Variants in ADCY9 observed in about 807,000 individuals in gnomAD.
ADCY9 encodes the protein adenylate cyclase type 9.
Under a neutral mutation model 101.5 loss-of-function variants are expected in ADCY9, and 50 were observed. The observed-to-expected ratio is 0.49, with a 90% CI of 0.39 to 0.62. The LOEUF (loss-of-function observed/expected upper bound fraction) is 0.62, where lower values mean the gene tolerates loss of function less well. Among genes scored for constraint, ADCY9 ranks in the 20% least tolerant of loss-of-function variants. The pLI is 0.00. For missense variants in ADCY9, 1,662 were observed against 1,800.4 expected, an observed-to-expected ratio of 0.92 and a Z score of 1.39; for synonymous variants, 905 against 769.3, an observed-to-expected ratio of 1.18 and a Z score of -2.92.
intron 9 of ADCY9, among the ~76,000 whole-genome samples, chr16:3,976,518 A>G (rs1431469978): frequency 6.6e-6 from 1 of 152,080 alleles, no homozygotes; most frequent in Non-Finnish European, 1.5e-5. Flanking sequence ...CCCATTCCTC[A>G]GCACCTACCA....
chr16:4,047,560 G>C (rs557837538), intron 2 of ADCY9, among the ~76,000 whole-genome samples: 1 of 151,984 alleles, frequency 6.6e-6, no homozygotes, highest in Non-Finnish European at 1.5e-5. Flanking sequence ...TGAGCTGTTA[G>C]ACGCACACTG....
rs181889802 is a variant in ADCY9, at chr16:3,992,902, G to A, written c.1989+504C>T. On this transcript the variant is annotated intron_variant, in intron 4 of 10. Transcript: ENST00000294016. The surrounding 1 kb of genome is among the most constrained non-coding windows in gnomAD (Gnocchi z 4.2). ...GAGCAGATGGAGGACGAGAGCCCGCGCCCCAGGTGAGTCGCCTGCATGAGC... is the reference window on the plus strand; with the variant it reads ...GAGCAGATGGAGGACGAGAGCCCGCACCCCAGGTGAGTCGCCTGCATGAGC... 7.0e-4 allele frequency among the ~76,000 whole-genome samples: 107 copies of A among 152,180 alleles called. No homozygotes were observed. The East Asian group carries it at 0.018, about 26-fold the overall frequency.
At chr16:4,098,994 G>A (rs912658284) in intron 2 of ADCY9, among the ~76,000 whole-genome samples, 4 of 152,026 alleles carry the variant, frequency 2.6e-5, no homozygotes, top group Non-Finnish European at 4.4e-5. Context: ...GTGCAGTGGT[G>A]TGATCTCAGC....
intron 2 of ADCY9, among the ~76,000 whole-genome samples, chr16:4,104,608 T>C (rs1031848274): frequency 2.6e-5 from 4 of 151,754 alleles, no homozygotes; most frequent in African/African-American, 9.7e-5. Flanking sequence ...TAGGACCCCA[T>C]CTCAGAAAAA....
intron 2 of ADCY9, among the ~76,000 whole-genome samples, chr16:4,052,712 C>A (rs1441720674): frequency 6.6e-6 from 1 of 152,044 alleles, no homozygotes; most frequent in Non-Finnish European, 1.5e-5. Context: ...TTTGAAGCCA[C>A]CTGGTTTGAG....
intron 10 of ADCY9, 81 bp from the exon 11 acceptor site, chr16:3,967,047 G>T: frequency 8.4e-7 from 1 of 1,190,420 alleles, no homozygotes; most frequent in Middle Eastern, 2.1e-4. Context: ...GCTACGCAAA[G>T]CTTTGTTGAG....
chr16:4,087,439 G>C (rs938484389), intron 2 of ADCY9, among the ~76,000 whole-genome samples: 1 of 150,878 alleles, frequency 6.6e-6, no homozygotes, highest in Non-Finnish European at 1.5e-5. Flanking sequence ...GGGAGGCCGA[G>C]ACATGAGAAT....
chr16:3,956,578 T>C (rs976743677), intron 5 of ADCY9, among the ~76,000 whole-genome samples: 4 of 141,530 alleles, frequency 2.8e-5, no homozygotes, highest in African/African-American at 1.0e-4. Flanking sequence ...GAAACCTCTG[T>C]CTCCCAGGTT....
At chr16:3,954,814 A>T (rs1353868430) in intron 5 of ADCY9, among the ~76,000 whole-genome samples, 2 of 152,204 alleles carry the variant, frequency 1.3e-5, no homozygotes, top group East Asian at 3.8e-4. Context: ...CCTGTGTGTG[A>T]GGCAGTGACA....
intron 2 of ADCY9, among the ~76,000 whole-genome samples, chr16:4,043,370 G>GT (rs1403629356): frequency 6.6e-5 from 10 of 151,204 alleles, no homozygotes; most frequent in African/African-American, 2.2e-4. Context: ...CGGTTCCCTC[G>GT]TTTTTTCACA....
At chr16:4,066,243 C>A (rs1023160795) in intron 2 of ADCY9, among the ~76,000 whole-genome samples, 1 of 152,154 alleles carries the variant, frequency 6.6e-6, no homozygotes, top group Non-Finnish European at 1.5e-5. Context: ...TTAAATAGTT[C>A]TAATATATAA....
At chr16:4,075,731 T>C (rs1322908061) in intron 2 of ADCY9, among the ~76,000 whole-genome samples, 3 of 152,180 alleles carry the variant, frequency 2.0e-5, no homozygotes, top group African/African-American at 7.2e-5. Flanking sequence ...TGGCAAGGAA[T>C]GGCGGCTGGG....
chr16:4,086,816 C>T (rs752044576), intron 2 of ADCY9, among the ~76,000 whole-genome samples: 1 of 152,082 alleles, frequency 6.6e-6, no homozygotes, highest in East Asian at 1.9e-4. Context: ...TGCGCCACCA[C>T]GCCCGGCTAA....
At chr16:3,956,229 C>T (rs2055905549) in intron 5 of ADCY9, among the ~76,000 whole-genome samples, 1 of 151,934 alleles carries the variant, frequency 6.6e-6, no homozygotes, top group African/African-American at 2.4e-5. Context: ...CCTGAGAGCT[C>T]CAATTGCCAC....
chr16:3,984,979 C>A (rs1023773113), intron 6 of ADCY9, among the ~76,000 whole-genome samples: 1 of 152,314 alleles, frequency 6.6e-6, no homozygotes, highest in African/African-American at 2.4e-5. Flanking sequence ...TGATGCCAGG[C>A]TGGACCCTGC....
chr16:4,022,147 C>T (rs1182986622), intron 2 of ADCY9, among the ~76,000 whole-genome samples: 1 of 152,172 alleles, frequency 6.6e-6, no homozygotes, highest in African/African-American at 2.4e-5. Flanking sequence ...GGGCCCATCC[C>T]CCTTTCCATG....
At chr16:4,086,290 G>A (rs954948298) in intron 2 of ADCY9, among the ~76,000 whole-genome samples, 1 of 152,126 alleles carries the variant, frequency 6.6e-6, no homozygotes, top group Non-Finnish European at 1.5e-5. Context: ...TCCACAGAGG[G>A]TCCATTGCAA....
At chr16:3,977,403 C>A in intron 9 of ADCY9, 79 bp downstream of exon 9, 1 of 1,497,272 alleles carries the variant, frequency 6.7e-7, no homozygotes, top group South Asian at 1.3e-5. Context: ...AAGCAATGTG[C>A]AAATGCAGCC....
rs539094207 is a variant in ADCY9, at chr16:4,010,690, C to T, written c.1694-3132G>A. Among the ~76,000 whole-genome samples the T allele has an allele frequency of 5.9e-5, 9 of 152,096 alleles. No homozygotes were observed. In the South Asian group the frequency reaches 1.0e-3, roughly 18 times the overall value. Reference sequence around the variant, plus strand: ...TGCCAAGTCCCAGGACAAGGAAGGACGGGTGCTCCAGGAAGCACAGGAGGG... The same window carrying T: ...TGCCAAGTCCCAGGACAAGGAAGGATGGGTGCTCCAGGAAGCACAGGAGGG... On this transcript the variant is annotated intron_variant, in intron 2 of 10. Coordinates refer to ENST00000294016, the MANE Select transcript of ADCY9 (RefSeq NM_001116.4).
Sources: gnomAD v4.1 joint callset for allele counts (sites outside exome capture counted in the v4.1 genomes callset) on GRCh38, gnomAD v4.1.1 for gene constraint, Gnocchi (gnomAD v3.1) non-coding constraint, MANE v1.5 for transcripts, NCBI Gene and HGNC (gene_info 2026-07-23, HGNC 2026-07-21) for gene names.